TARBP1: variants seen among roughly 807,000 people sequenced by gnomAD.
TARBP1 encodes tRNA (guanosine(18)-2'-O)-methyltransferase TARBP1.
TARBP1 carries 144 observed loss-of-function variants against 178.6 expected under a neutral mutation model. That is an observed-to-expected ratio of 0.81 (90% CI 0.70 to 0.93). The LOEUF (loss-of-function observed/expected upper bound fraction) is 0.93, where lower values mean the gene tolerates loss of function less well. Ranked by LOEUF, TARBP1 falls within the 40% of genes least tolerant of loss-of-function variation. The probability of loss-of-function intolerance (pLI) is 0.00; values close to 1 mark genes in which losing one functional copy is unlikely to be tolerated. For synonymous variants in TARBP1, 787 were observed against 781.0 expected (o/e 1.01, Z -0.13); for missense variants, 2,067 against 2,011.7 (o/e 1.03, Z -0.53).
At chr1:234,421,377 T>C (rs1663072478) in intron 20 of TARBP1, among the ~76,000 whole-genome samples, 2 of 152,100 alleles carry the variant, frequency 1.3e-5, no homozygotes, top group African/African-American at 2.4e-5. Context: ...GCATGAGCCA[T>C]GGCGCCTGGC....
At position 234,448,529 on chromosome 1, in the gene TARBP1, G is replaced by A. The variant is rs1266703816; in HGVS notation, c.1912C>T (p.Leu638=). 8 of 1,614,010 alleles carry A rather than the reference G, an allele frequency of 5.0e-6. No homozygotes were observed. The highest frequency in any genetic ancestry group is 2.2e-5 in the East Asian group (1 of 44,858). The change falls in exon 11 of 30, where the codon CTG becomes TTG. Residue 638 remains leucine, a synonymous_variant. Coordinates refer to ENST00000040877, the MANE Select transcript of TARBP1 (RefSeq NM_005646.4). Reference sequence around the variant, plus strand: ...ACATCCACAGCCAGCAAGACCATCAGAGAAACAAGCTTGGCTTCAAACCAA... The same window carrying A: ...ACATCCACAGCCAGCAAGACCATCAAAGAAACAAGCTTGGCTTCAAACCAA... ...PDWFEAKLVS[L]MVLLAVDVEG...
intron 26 of TARBP1, among the ~76,000 whole-genome samples, chr1:234,394,089 A>C (rs1001222463): frequency 3.9e-5 from 6 of 152,184 alleles, no homozygotes; most frequent in Non-Finnish European, 5.9e-5. Context: ...GAAACATGAG[A>C]TACACGTTTT....
rs765324709 is a variant in TARBP1 at position 234,469,060 on chromosome 1, CTTTTTTTTTTTT to C, written c.1100-1422_1100-1411del. Among the ~76,000 whole-genome samples the C allele has an allele frequency of 7.1e-4, 49 of 68,582 alleles. 1 individual carries two copies. The highest frequency in any genetic ancestry group is 0.011 in the Middle Eastern group (1 of 92). The allele number at this position is 68,582 out of a possible 152,430, so 45.0% of individuals were successfully genotyped here. On this transcript the variant is annotated intron_variant, in intron 3 of 29. Transcript: ENST00000040877. ...GTGCGAAAGTCGTTGCGGTTTTTGC[CTTTTTTTTTTTT>C]TTTTTAAAAAAAAAAAAAAGGCAAA...
At chr1:234,400,926 ATTG>A in intron 25 of TARBP1, 1 of 293,390 alleles carries the variant, frequency 3.4e-6, no homozygotes, top group Non-Finnish European at 6.4e-6. Context: ...ATTCCCTTCC[ATTG>A]TTTACAAGCC....
At chr1:234,431,111 T>C (rs1558196626) in intron 14 of TARBP1, among the ~76,000 whole-genome samples, 1 of 152,184 alleles carries the variant, frequency 6.6e-6, no homozygotes, top group African/African-American at 2.4e-5. Context: ...ACAACAGCAC[T>C]GAGAGATTAC....
chr1:234,423,775 G>A (rs532465729), intron 20 of TARBP1, among the ~76,000 whole-genome samples: 10 of 139,564 alleles, frequency 7.2e-5, no homozygotes, highest in South Asian at 2.2e-4. Flanking sequence ...TTTTAGAGAC[G>A]TAGTCTCACT....
intron 7 of TARBP1, among the ~76,000 whole-genome samples, chr1:234,460,004 CTTAT>C (rs1667686738): frequency 6.6e-6 from 1 of 151,904 alleles, no homozygotes; most frequent in Admixed American, 6.6e-5. Flanking sequence ...ACTTACTGGC[CTTAT>C]TTAAAGAGGT....
At position 234,407,877 on chromosome 1, in the gene TARBP1, A is replaced by T. The variant is rs1661421837; in HGVS notation, c.3793-1778T>A. ...TGTATACTTTCTGCCCTAGTTTTAG[A>T]ATCAGCTATTTCTCCAGCGATCCCT... On this transcript the variant is annotated intron_variant, in intron 23 of 29. Transcript: ENST00000040877. 2.0e-5 allele frequency: 3 copies of T among 152,306 alleles called. No homozygotes were observed. In the South Asian group the frequency reaches 6.2e-4, roughly 32 times the overall value. 9.4% of individuals were successfully genotyped at this position (152,306 alleles called of 1,614,324 possible). A position where few individuals can be genotyped will look rare whatever the true frequency, so the allele number is the denominator to read the frequency against.
intron 7 of TARBP1, among the ~76,000 whole-genome samples, chr1:234,459,750 T>C (rs1056142876): frequency 1.3e-5 from 2 of 151,114 alleles, no homozygotes; most frequent in African/African-American, 4.9e-5. Flanking sequence ...AGGCAGAGGT[T>C]GCAGTGAGCC....
intron 17 of TARBP1, 133 bp downstream of exon 17, chr1:234,429,003 G>T: frequency 1.3e-6 from 1 of 765,250 alleles, no homozygotes; most frequent in Non-Finnish European, 2.0e-6. Flanking sequence ...TGATATTTAA[G>T]AAGGTTCAAA....
rs1452190015 is a variant in TARBP1 at position 234,478,659 on chromosome 1, G to C, written c.445C>G (p.Pro149Ala). The C allele has an allele frequency of 7.9e-7, 1 of 1,265,682 alleles. No individual in the cohort carries two copies. The highest frequency in any genetic ancestry group is 4.1e-5 in the Admixed American group (1 of 24,278). The allele number at this position is 1,265,682 out of a possible 1,614,324, so 78.4% of individuals were successfully genotyped here. The change falls in exon 1 of 30, where the codon CCA becomes GCA. Residue 149 changes from proline to alanine, a missense_variant. Transcript: ENST00000040877. The stretch of plus-strand genomic sequence containing the variant: ...CCGTCCTCGCGGGGCCGCAAACATG[G>C]CCCGACGGCTGCTAGCACTTCCACG... ...AAVEVLAAVGPCLRPREDGPL... is the reference protein window; with the variant it reads ...AAVEVLAAVGACLRPREDGPL...
At chr1:234,410,655 C>A (rs576736006) in intron 22 of TARBP1, 124 bp from the exon 23 acceptor site, 1 of 606,800 alleles carries the variant, frequency 1.6e-6, no homozygotes, top group Non-Finnish European at 3.0e-6. Flanking sequence ...TGGAACAGCC[C>A]GGGGTCTGGG....
intron 9 of TARBP1, among the ~76,000 whole-genome samples, chr1:234,452,151 C>G (rs1181448497): frequency 6.6e-6 from 1 of 152,290 alleles, no homozygotes; most frequent in South Asian, 2.1e-4. Flanking sequence ...ATTTTCCCTT[C>G]AAAGACTTTT....
At chr1:234,459,400 T>G (rs1028805522) in intron 7 of TARBP1, 74 bp from the exon 8 acceptor site, 13 of 1,193,694 alleles carry the variant, frequency 1.1e-5, no homozygotes, top group Non-Finnish European at 1.6e-5. Context: ...TATCAACAAG[T>G]TGATTTATAA....
chr1:234,463,535 T>C (rs1668120717), intron 6 of TARBP1, among the ~76,000 whole-genome samples: 3 of 152,234 alleles, frequency 2.0e-5, no homozygotes, highest in Non-Finnish European at 4.4e-5. Context: ...TTCTCAAATA[T>C]ATTTTACCAA....
At chr1:234,460,008 T>C (rs1667687188) in intron 7 of TARBP1, among the ~76,000 whole-genome samples, 1 of 152,222 alleles carries the variant, frequency 6.6e-6, no homozygotes, top group Non-Finnish European at 1.5e-5. Flanking sequence ...ACTGGCCTTA[T>C]TTAAAGAGGT....
At chr1:234,409,893 A>G (rs571740146) in intron 23 of TARBP1, among the ~76,000 whole-genome samples, 75 of 152,356 alleles carry the variant, frequency 4.9e-4, no homozygotes, top group Admixed American at 9.1e-4. Context: ...CGGCTGCCAT[A>G]GTGATTAACC....
chr1:234,446,808 T>A lies in TARBP1; in HGVS notation c.2129A>T (p.Gln710Leu), dbSNP rs760613074. Residue 710 changes from glutamine to leucine, a missense_variant, in exon 12 of 30, where the codon CAA becomes CTA. Gln to Leu is a moderately radical substitution (Grantham distance 113). Transcript: ENST00000040877. ...NTCRLKGSSA[Q>L]DDEVSTVLQN... ...GAGAAACAACTTATCCTCACCATCT[T>A]GGGCACTGGAACCTTTCAACCTGCA... 6.2e-7 allele frequency: 1 copy of A among 1,613,726 alleles called. No homozygotes were observed. The highest frequency in any genetic ancestry group is 1.7e-5 in the Admixed American group (1 of 59,952).
chr1:234,422,933 C>T (rs1663279617), intron 20 of TARBP1, among the ~76,000 whole-genome samples: 1 of 152,190 alleles, frequency 6.6e-6, no homozygotes, highest in African/African-American at 2.4e-5. Context: ...TTCATTATTG[C>T]TAGACCAATA....
Sources: allele counts gnomAD v4.1 joint callset (sites outside exome capture counted in the v4.1 genomes callset), GRCh38; gene constraint gnomAD v4.1.1; transcripts MANE v1.5; gene names NCBI Gene and HGNC (gene_info 2026-07-23, HGNC 2026-07-21).